Variants in SLC19A1 observed in about 807,000 individuals in gnomAD.
The protein encoded by SLC19A1 is reduced folate transporter.
In SLC19A1, 37 loss-of-function variants were observed where a neutral mutation model predicts 35.3. The observed-to-expected ratio is 1.05, with a 90% CI of 0.81 to 1.38. The LOEUF is 1.38. Ranked by LOEUF, SLC19A1 falls within the 40% of genes most tolerant of loss-of-function variation. The probability of loss-of-function intolerance (pLI) is 0.00; values close to 1 mark genes in which losing one functional copy is unlikely to be tolerated. For synonymous variants in SLC19A1, 460 were observed against 398.5 expected (o/e 1.15, Z -1.84); for missense variants, 831 against 826.9 (o/e 1.00, Z -0.06).
chr21:45,509,288 G>GGT (rs1457543879), downstream of SLC19A1: 12 of 1,530,814 alleles, frequency 7.8e-6, no homozygotes, highest in Middle Eastern at 2.3e-4. Context: ...GCCCAGAGGA[G>GGT]GACACAGATG....
At chr21:45,504,975 T>C (rs1276181998) in intron 3 of SLC19A1, among the ~76,000 whole-genome samples, 1 of 151,868 alleles carries the variant, frequency 6.6e-6, no homozygotes, top group Non-Finnish European at 1.5e-5. Context: ...GGGGTGATGG[T>C]GTGGGGGTTT....
chr21:45,523,714 C>G (rs1602735648), intron 5 of SLC19A1, among the ~76,000 whole-genome samples: 1 of 152,212 alleles, frequency 6.6e-6, no homozygotes, highest in Non-Finnish European at 1.5e-5. Flanking sequence ...GCAGTCAGCA[C>G]CCAGAGGCAG....
In SLC19A1 at chr21:45,534,418, G is replaced by A. The variant is rs928564413; in HGVS notation, c.190-2270C>T. On this transcript the variant is annotated intron_variant, in intron 2 of 5. Coordinates refer to ENST00000311124, the MANE Select transcript of SLC19A1 (RefSeq NM_194255.4). The surrounding 1 kb of genome is among the most constrained non-coding windows in gnomAD (Gnocchi z 4.2). ...GGCATGACAGCCCCAGCCCCTGGCCGGGGCACAGGTTCTGCCCACAGCCCA... is the reference window on the plus strand; with the variant it reads ...GGCATGACAGCCCCAGCCCCTGGCCAGGGCACAGGTTCTGCCCACAGCCCA... 2.1e-5 allele frequency: 17 copies of A among 795,426 alleles called. No homozygotes were observed. Among genetic ancestry groups the A allele is most frequent in the Admixed American group, 7.5e-5 (3 of 39,996 alleles). The allele number at this position is 795,426 out of a possible 1,614,324, so 49.3% of individuals were successfully genotyped here. A position where few individuals can be genotyped will look rare whatever the true frequency, so the allele number is the denominator to read the frequency against.
chr21:45,540,691 C>T lies in SLC19A1; in HGVS notation c.-50+1677G>A, dbSNP rs571559531. Among the ~76,000 whole-genome samples the T allele has an allele frequency of 1.4e-4, 21 of 152,318 alleles. No individual in the cohort carries two copies. The highest frequency in any genetic ancestry group is 1.0e-3 in the South Asian group (5 of 4,824). On this transcript the variant is annotated intron_variant, in intron 1 of 5. Coordinates refer to ENST00000311124, the MANE Select transcript of SLC19A1 (RefSeq NM_194255.4). The surrounding 1 kb of genome is among the most constrained non-coding windows in gnomAD (Gnocchi z 5.5). ...CCCCAAGCCAGGGGACGCCTAGACT[C>T]CAAGTGTCCAGACCCCAGCCCAGTC...
Position 45,540,533 on chromosome 21 carries a change from A to G in SLC19A1, c.-50+1835T>C, listed in dbSNP as rs982879044. Among the ~76,000 whole-genome samples the G allele has an allele frequency of 6.6e-6, 1 of 152,220 alleles. No individual in the cohort carries two copies. The highest frequency in any genetic ancestry group is 1.5e-5 in the Non-Finnish European group (1 of 68,040). On this transcript the variant is annotated intron_variant, in intron 1 of 5. Transcript: ENST00000311124. The surrounding 1 kb of genome is among the most constrained non-coding windows in gnomAD (Gnocchi z 5.5). Reference sequence around the variant, plus strand: ...GCAAGGGGCTGCTGCTGGTCTTAACAGTCAGCCTCTGCTGCCAGCATACTC... The same window carrying G: ...GCAAGGGGCTGCTGCTGGTCTTAACGGTCAGCCTCTGCTGCCAGCATACTC...
In SLC19A1 at chr21:45,514,183, C is replaced by G. The variant is rs922813969; in HGVS notation, c.*1475G>C. ...GGGCCTCCCCAGTGACGCTCTAGCC[C>G]ATGGCACAGGCCCAGCCCACCTCCA... is the stretch of plus-strand genomic sequence containing the variant. On this transcript the variant is annotated 3_prime_UTR_variant, in exon 6 of 6. Coordinates refer to ENST00000311124, the MANE Select transcript of SLC19A1 (RefSeq NM_194255.4). 1 of 152,214 alleles carries G rather than the reference C, an allele frequency of 6.6e-6. No homozygotes were observed. The highest frequency in any genetic ancestry group is 1.5e-5 in the Non-Finnish European group (1 of 68,148). 9.4% of individuals were successfully genotyped at this position (152,214 alleles called of 1,614,324 possible).
intron 2 of SLC19A1, among the ~76,000 whole-genome samples, chr21:45,532,744 A>G (rs1353381690): frequency 2.0e-5 from 3 of 152,220 alleles, no homozygotes; most frequent in Non-Finnish European, 2.9e-5. Context: ...CAGCTTCTCT[A>G]TTTTTAATAG....
In SLC19A1 at chr21:45,505,281, A is replaced by C. The variant is rs770631950; in HGVS notation, c.498-6669T>G. On this transcript the variant is annotated intron_variant, in intron 3 of 4. Coordinates refer to the SLC19A1 transcript ENST00000417954. ...ATTTCCTGGCCCTCACAGGCAGAGT[A>C]AGTCAGTGGGGAGTGGGCCCCGGGC... The C allele has an allele frequency of 1.2e-6, 2 of 1,607,586 alleles. No homozygotes were observed. The highest frequency in any genetic ancestry group is 1.7e-6 in the Non-Finnish European group (2 of 1,175,888).
At position 45,531,397 on chromosome 21, in the gene SLC19A1, G is replaced by A. The variant is rs200236009; in HGVS notation, c.941C>T (p.Thr314Met). 21 of 1,581,764 alleles carry A rather than the reference G, an allele frequency of 1.3e-5. No individual in the cohort carries two copies. The highest frequency in any genetic ancestry group is 1.7e-5 in the Admixed American group (1 of 57,592). ...GACCAGGGCATGCGTACCCAGCAGCGTGGAGGCAGCATCTGCCGCGCCGTT... is the reference window on the plus strand; with the variant it reads ...GACCAGGGCATGCGTACCCAGCAGCATGGAGGCAGCATCTGCCGCGCCGTT... ...VYNGAADAASTLLGAITSFAA... is the reference protein window; with the variant it reads ...VYNGAADAASMLLGAITSFAA... The change falls in exon 3 of 6, where the codon ACG becomes ATG. Residue 314 changes from threonine to methionine, a missense_variant. Coordinates refer to ENST00000311124, the MANE Select transcript of SLC19A1 (RefSeq NM_194255.4).
intron 5 of SLC19A1, among the ~76,000 whole-genome samples, chr21:45,518,178 A>G (rs1236224442): frequency 3.3e-5 from 5 of 152,224 alleles, no homozygotes; most frequent in African/African-American, 1.2e-4. Flanking sequence ...AATAGGAGAA[A>G]TAAAAAAAAT....
intron 1 of SLC19A1, 35 bp from the exon 2 acceptor site, chr21:45,538,043 G>A: frequency 1.6e-6 from 2 of 1,265,074 alleles, no homozygotes; most frequent in East Asian, 2.7e-5. Context: ...CACCTTGGAA[G>A]ATGGTCTGCA....
chr21:45,509,454 G>A, downstream of SLC19A1: 1 of 1,533,982 alleles, frequency 6.5e-7, no homozygotes, highest in Non-Finnish European at 8.8e-7. Context: ...CGCGGCCCTG[G>A]CGGGCAGATG....
At chr21:45,509,378 A>C, downstream of SLC19A1, 1 of 1,543,074 alleles carries the variant, frequency 6.5e-7, no homozygotes, top group Admixed American at 1.9e-5. Flanking sequence ...GCCGCCTTGC[A>C]GCCCCCCGTG....
At chr21:45,535,045 C>T (rs1398733254) in intron 2 of SLC19A1, among the ~76,000 whole-genome samples, 1 of 152,254 alleles carries the variant, frequency 6.6e-6, no homozygotes, top group Non-Finnish European at 1.5e-5. Context: ...AGGCAGGACG[C>T]GAGGGCAGGG....
Position 45,534,762 on chromosome 21 carries a change from G to C in SLC19A1, c.190-2614C>G. 1.6e-6 allele frequency: 1 copy of C among 625,110 alleles called. No individual in the cohort carries two copies. The highest frequency in any genetic ancestry group is 2.8e-6 in the Non-Finnish European group (1 of 359,132). The allele number at this position is 625,110 out of a possible 1,614,324, so 38.7% of individuals were successfully genotyped here. On this transcript the variant is annotated intron_variant, in intron 2 of 5. Coordinates refer to ENST00000311124, the MANE Select transcript of SLC19A1 (RefSeq NM_194255.4). The surrounding 1 kb of genome is among the most constrained non-coding windows in gnomAD (Gnocchi z 4.2). ...AGACAGCAGGGAGGCTCTGCCCAGAGCTGTGACCTGCGTCCCACTTACAAG... is the reference window on the plus strand; with the variant it reads ...AGACAGCAGGGAGGCTCTGCCCAGACCTGTGACCTGCGTCCCACTTACAAG...
At chr21:45,545,733 G>A (rs979608904), upstream of SLC19A1, among the ~76,000 whole-genome samples, 2 of 152,094 alleles carry the variant, frequency 1.3e-5, no homozygotes, top group Non-Finnish European at 2.9e-5. Context: ...CAGGAAGACG[G>A]GCGCGGACCG....
chr21:45,523,247 C>G (rs112710949), intron 5 of SLC19A1, among the ~76,000 whole-genome samples: 3,575 of 152,300 alleles, frequency 0.023, 147 homozygotes, highest in African/African-American at 0.082. Context: ...TGAGCCCGCA[C>G]CACCTCCTCT....
upstream of SLC19A1, among the ~76,000 whole-genome samples, chr21:45,543,361 G>T (rs2078368789): frequency 6.6e-6 from 1 of 152,232 alleles, no homozygotes. Context: ...GGGCCCCAAG[G>T]CTAAGGAGGA....
rs528696974 is a variant in SLC19A1, at chr21:45,505,937, C to T, written c.498-7325G>A. ...GGCCGAGCAGGAGGAGCTCTACGTC[C>T]GCGTGCAGAACGGGTTCCGGAAGGT... is the stretch of plus-strand genomic sequence containing the variant. On this transcript the variant is annotated intron_variant, in intron 3 of 4. Coordinates refer to the SLC19A1 transcript ENST00000417954. The T allele has an allele frequency of 1.9e-4, 309 of 1,613,230 alleles. 2 individuals are homozygous for T. In the South Asian group the frequency reaches 2.8e-3, roughly 15 times the overall value.
Sources: gnomAD v4.1 joint callset for allele counts (sites outside exome capture counted in the v4.1 genomes callset) on GRCh38, gnomAD v4.1.1 for gene constraint, Gnocchi (gnomAD v3.1) non-coding constraint, MANE v1.5 for transcripts, NCBI Gene and HGNC (gene_info 2026-07-23, HGNC 2026-07-21) for gene names.